The following ATP9B variants were observed in gnomAD, a reference collection of about 807,000 sequenced individuals.
ATP9B encodes the protein probable phospholipid-transporting ATPase IIB.
A neutral mutation model predicts 146.1 loss-of-function variants in ATP9B; 110 were observed. The observed-to-expected ratio is 0.75, with a 90% CI of 0.65 to 0.88. The LOEUF is 0.88. ATP9B is among the 40% of genes least tolerant of loss of function. ATP9B has a pLI of 0.00. For synonymous variants in ATP9B, 604 were observed against 569.7 expected, an observed-to-expected ratio of 1.06 and a Z score of -0.86; for missense variants, 1,499 against 1,496.4, an observed-to-expected ratio of 1.00 and a Z score of -0.03.
rs755330230 is a variant in ATP9B, at chr18:79,307,253, C to G, written c.1773+19C>G. On this transcript the variant is annotated intron_variant, in intron 15 of 29. Transcript: ENST00000426216. ...GGATGAGGTCAGTCAAAGCACAAAA[C>G]CGTGGGAGCTTGTCCGTTCCATTTG... 5 of 1,613,858 alleles carry G rather than the reference C, an allele frequency of 3.1e-6. No homozygotes were observed. In the South Asian group the frequency reaches 5.5e-5, roughly 18 times the overall value.
chr18:79,072,855 C>T (rs983227323), intron 1 of ATP9B, among the ~76,000 whole-genome samples: 15 of 149,996 alleles, frequency 1.0e-4, no homozygotes, highest in African/African-American at 3.7e-4. Flanking sequence ...CGGGCAGAGG[C>T]GCTCCTCAGT....
At chr18:79,204,048 C>G (rs1322935578) in intron 9 of ATP9B, among the ~76,000 whole-genome samples, 1 of 152,238 alleles carries the variant, frequency 6.6e-6, no homozygotes, top group Non-Finnish European at 1.5e-5. Flanking sequence ...TTTGGTTGTT[C>G]TATCAAATCA....
intron 19 of ATP9B, among the ~76,000 whole-genome samples, chr18:79,340,760 T>C (rs1034563548): frequency 1.4e-4 from 22 of 152,250 alleles, no homozygotes; most frequent in Admixed American, 1.0e-3. Context: ...AATTTTTAAA[T>C]GTAAAAGTGC....
At chr18:79,193,046 G>A (rs1018260815) in intron 8 of ATP9B, 137 bp from the exon 9 acceptor site, 2 of 674,380 alleles carry the variant, frequency 3.0e-6, no homozygotes, top group Non-Finnish European at 4.9e-6. Flanking sequence ...TATAGTGTTG[G>A]CACACAAAAA....
At chr18:79,337,139 GTGGAGTA>G in intron 18 of ATP9B, 133 bp from the exon 19 acceptor site, 1 of 1,190,374 alleles carries the variant, frequency 8.4e-7, no homozygotes, top group South Asian at 1.3e-5. Context: ...GTCCAGCTCT[GTGGAGTA>G]CACACACAGC....
At chr18:79,255,505 A>T (rs1001184135) in intron 12 of ATP9B, among the ~76,000 whole-genome samples, 1 of 152,206 alleles carries the variant, frequency 6.6e-6, no homozygotes, top group East Asian at 1.9e-4. Flanking sequence ...TGTATTGTCC[A>T]GTGTCGTGTG....
intron 11 of ATP9B, among the ~76,000 whole-genome samples, chr18:79,216,959 AG>A (rs2095632543): frequency 6.6e-6 from 1 of 152,170 alleles, no homozygotes; most frequent in Non-Finnish European, 1.5e-5. Flanking sequence ...TTCTAGCTCC[AG>A]CTTGGAGAAC....
chr18:79,222,992 A>G (rs2095695407), intron 11 of ATP9B, among the ~76,000 whole-genome samples: 1 of 152,242 alleles, frequency 6.6e-6, no homozygotes, highest in African/African-American at 2.4e-5. Context: ...ACTCAGAGCA[A>G]GAACATCAAG....
chr18:79,371,793 CT>C, intron 26 of ATP9B, among the ~76,000 whole-genome samples: 1 of 152,328 alleles, frequency 6.6e-6, no homozygotes, highest in East Asian at 1.9e-4. Context: ...TCCTCTGTGG[CT>C]CTTTAAACCA....
intron 29 of ATP9B, chr18:79,376,064 G>A (rs1273810994): frequency 3.0e-6 from 3 of 984,894 alleles, no homozygotes; most frequent in African/African-American, 1.8e-5. Flanking sequence ...GGGTGGGCCG[G>A]GCTCAGAGCC....
chr18:79,360,826 T>A (rs1479590266), intron 26 of ATP9B: 2 of 152,198 alleles, frequency 1.3e-5, no homozygotes, highest in Non-Finnish European at 2.9e-5. Flanking sequence ...TCGTCCCAGG[T>A]CACACCTACT....
chr18:79,248,050 A>C (rs1348791944), intron 11 of ATP9B, among the ~76,000 whole-genome samples: 1 of 152,214 alleles, frequency 6.6e-6, no homozygotes. Flanking sequence ...TTATTGAGCC[A>C]ACAGACTATA....
chr18:79,078,319 T>C (rs1478948932), intron 1 of ATP9B, among the ~76,000 whole-genome samples: 1 of 152,238 alleles, frequency 6.6e-6, no homozygotes, highest in Non-Finnish European at 1.5e-5. Context: ...TTCTGGTTGC[T>C]AACTCTCTAG....
intron 13 of ATP9B, among the ~76,000 whole-genome samples, chr18:79,285,890 CTTGT>C (rs1161805372): frequency 1.3e-5 from 2 of 150,742 alleles, no homozygotes; most frequent in Non-Finnish European, 3.0e-5. Context: ...TTCCCCATTG[CTTGT>C]TTTTCTCAGG....
intron 1 of ATP9B, among the ~76,000 whole-genome samples, chr18:79,071,281 CAG>C (rs896924215): frequency 1.3e-5 from 2 of 151,298 alleles, no homozygotes; most frequent in African/African-American, 4.9e-5. Flanking sequence ...TCCTGGGTAT[CAG>C]ATGGTGTTAC....
At chr18:79,161,341 T>A (rs561137887) in intron 7 of ATP9B, among the ~76,000 whole-genome samples, 3 of 152,162 alleles carry the variant, frequency 2.0e-5, no homozygotes, top group Non-Finnish European at 4.4e-5. Context: ...CCTTTGAGAA[T>A]CTTAAGAATT....
chr18:79,288,998 G>T (rs1206281276), intron 13 of ATP9B, among the ~76,000 whole-genome samples: 1 of 152,148 alleles, frequency 6.6e-6, no homozygotes, highest in African/African-American at 2.4e-5. Flanking sequence ...TTAGTCTGAT[G>T]GGCTTCCCTT....
intron 15 of ATP9B, among the ~76,000 whole-genome samples, chr18:79,319,578 C>T (rs779088881): frequency 4.6e-5 from 7 of 152,202 alleles, no homozygotes; most frequent in Non-Finnish European, 1.0e-4. Context: ...TCCTTCCCTA[C>T]GTCTCCACTT....
chr18:79,160,965 T>G (rs547378981), intron 7 of ATP9B, among the ~76,000 whole-genome samples: 8 of 152,234 alleles, frequency 5.3e-5, no homozygotes, highest in African/African-American at 1.9e-4. Flanking sequence ...AGATGGGGTT[T>G]TACCACGTTG....
Sources: gnomAD v4.1 joint callset for allele counts (sites outside exome capture counted in the v4.1 genomes callset) on GRCh38, gnomAD v4.1.1 for gene constraint, MANE v1.5 for transcripts, NCBI Gene and HGNC (gene_info 2026-07-23, HGNC 2026-07-21) for gene names.